The following KCNT2 variants were observed in gnomAD, a reference collection of about 807,000 sequenced individuals.
KCNT2 encodes the protein potassium channel subfamily T member 2.
In KCNT2, 67 loss-of-function variants were observed where a neutral mutation model predicts 153.8. The ratio of observed to expected loss-of-function variants is 0.44; its 90% CI spans 0.36 to 0.53. The LOEUF (loss-of-function observed/expected upper bound fraction) is 0.53. KCNT2 is among the 20% of genes least tolerant of loss of function. The pLI, the probability that KCNT2 is intolerant of heterozygous loss-of-function variation, is 0.00. For missense variants in KCNT2, 975 were observed against 1,354.8 expected, an observed-to-expected ratio of 0.72 and a Z score of 4.40; for synonymous variants, 500 against 458.8, an observed-to-expected ratio of 1.09 and a Z score of -1.15.
At chr1:196,371,691 G>A (rs764979960) in intron 14 of KCNT2, among the ~76,000 whole-genome samples, 5 of 151,964 alleles carry the variant, frequency 3.3e-5, no homozygotes, top group Non-Finnish European at 5.9e-5. Flanking sequence ...GTTGGGAAAC[G>A]TCTTATTCTA....
intron 12 of KCNT2, among the ~76,000 whole-genome samples, chr1:196,408,540 T>G (rs1672022133): frequency 6.6e-6 from 1 of 151,686 alleles, no homozygotes; most frequent in African/African-American, 2.4e-5. Context: ...ATATAAAGAT[T>G]TAAAGATATA....
At chr1:196,252,109 G>A (rs1324835508) in intron 26 of KCNT2, among the ~76,000 whole-genome samples, 1 of 151,406 alleles carries the variant, frequency 6.6e-6, no homozygotes, top group Non-Finnish European at 1.5e-5. Context: ...TTTTCTTATT[G>A]TTTTATTATC....
chr1:196,561,904 A>G (rs2148925137), intron 1 of KCNT2, among the ~76,000 whole-genome samples: 1 of 152,052 alleles, frequency 6.6e-6, no homozygotes, highest in South Asian at 2.1e-4. Context: ...AGGGATTAAA[A>G]GATTTGGCAA....
chr1:196,369,883 T>A (rs1435866723), intron 14 of KCNT2, among the ~76,000 whole-genome samples: 1 of 152,032 alleles, frequency 6.6e-6, no homozygotes, highest in Non-Finnish European at 1.5e-5. Context: ...TAGTTCTAGA[T>A]CCCTGAGGAA....
intron 19 of KCNT2, among the ~76,000 whole-genome samples, chr1:196,323,541 G>A (rs1572037013): frequency 1.3e-5 from 2 of 151,818 alleles, no homozygotes; most frequent in Middle Eastern, 6.8e-3. Flanking sequence ...ACTGAAAGAT[G>A]CTTTTCAATA....
chr1:196,497,499 T>C (rs1257328471), intron 1 of KCNT2, among the ~76,000 whole-genome samples: 2 of 152,276 alleles, frequency 1.3e-5, no homozygotes, highest in East Asian at 3.9e-4. Flanking sequence ...ATGGAGGCTG[T>C]ACATAGATTA....
In KCNT2 at chr1:196,435,139, GTATATATATATATATA is replaced by G. The variant is rs1166021273; in HGVS notation, c.639-5398_639-5383del. 9.9e-3 allele frequency among the ~76,000 whole-genome samples: 454 copies of G among 45,734 alleles called. 6 individuals carry two copies. Among genetic ancestry groups the G allele is most frequent in the Middle Eastern group, 0.031 (1 of 32 alleles). 30.0% of individuals were successfully genotyped at this position (45,734 alleles called of 152,430 possible). Reference sequence around the variant, plus strand: ...TAGATACTTATGTGTGTGTGTGTATGTATATATATATATATATATATATATATATATATATATATAT... The same window carrying G: ...TAGATACTTATGTGTGTGTGTGTATGTATATATATATATATATATATATAT... On this transcript the variant is annotated intron_variant, in intron 8 of 27. Coordinates refer to ENST00000294725, the MANE Select transcript of KCNT2 (RefSeq NM_198503.5).
chr1:196,234,464 G>A (rs866462458), intron 27 of KCNT2, among the ~76,000 whole-genome samples: 32 of 150,960 alleles, frequency 2.1e-4, no homozygotes, highest in Non-Finnish European at 4.3e-4. Context: ...TATTTACATA[G>A]GGGCTTGCCT....
intron 1 of KCNT2, among the ~76,000 whole-genome samples, chr1:196,531,648 A>T (rs888938611): frequency 6.6e-6 from 1 of 151,998 alleles, no homozygotes; most frequent in East Asian, 1.9e-4. Flanking sequence ...TCACCCCAAA[A>T]CAGACTTTCA....
At chr1:196,491,838 G>A (rs1191540070) in intron 2 of KCNT2, among the ~76,000 whole-genome samples, 1 of 151,900 alleles carries the variant, frequency 6.6e-6, no homozygotes, top group Non-Finnish European at 1.5e-5. Context: ...CTTATTATTT[G>A]GAATGATTAG....
intron 25 of KCNT2, among the ~76,000 whole-genome samples, chr1:196,266,707 T>C (rs924972253): frequency 2.0e-5 from 3 of 152,166 alleles, no homozygotes; most frequent in African/African-American, 4.8e-5. Flanking sequence ...ATAGTCAAAT[T>C]TGGCCTGTTC....
chr1:196,243,044 A>T (rs1655099612), intron 26 of KCNT2, among the ~76,000 whole-genome samples: 2 of 152,106 alleles, frequency 1.3e-5, no homozygotes, highest in African/African-American at 4.8e-5. Flanking sequence ...TGCCAAACAG[A>T]TCTCTCATGC....
intron 16 of KCNT2, among the ~76,000 whole-genome samples, chr1:196,336,873 G>C (rs1338300780): frequency 6.6e-6 from 1 of 152,122 alleles, no homozygotes; most frequent in Non-Finnish European, 1.5e-5. Context: ...TTTCCTACTA[G>C]CCTGCCAGTA....
chr1:196,333,876 T>C lies in KCNT2; in HGVS notation c.1968A>G (p.Thr656=). Residue 656 remains threonine, a synonymous_variant, in exon 17 of 28, where the codon ACA becomes ACG. Transcript: ENST00000294725. Reference sequence around the variant, plus strand: ...AGTTTGAAGACATTTCTTCATCTGGTGTAGTTTCATCTTCTGATTGGTCAC... The same window carrying C: ...AGTTTGAAGACATTTCTTCATCTGGCGTAGTTTCATCTTCTGATTGGTCAC... ...LLSDQSEDET[T]PDEEMSSNLE... The C allele has an allele frequency of 6.2e-7, 1 of 1,610,892 alleles. No individual in the cohort carries two copies. Among genetic ancestry groups the C allele is most frequent in the Non-Finnish European group, 8.5e-7 (1 of 1,177,612 alleles).
At chr1:196,560,237 GC>G (rs1427388813) in intron 1 of KCNT2, among the ~76,000 whole-genome samples, 9 of 151,776 alleles carry the variant, frequency 5.9e-5, no homozygotes, top group Non-Finnish European at 1.3e-4. Context: ...GGAATGTTAT[GC>G]AAAAGACGAC....
intron 22 of KCNT2, among the ~76,000 whole-genome samples, chr1:196,288,049 A>T (rs2147902168): frequency 6.6e-6 from 1 of 152,170 alleles, no homozygotes; most frequent in South Asian, 2.1e-4. Flanking sequence ...CCTAAAATTG[A>T]GTAGAAATTT....
chr1:196,538,862 A>C (rs559870604), intron 1 of KCNT2, among the ~76,000 whole-genome samples: 2 of 152,252 alleles, frequency 1.3e-5, no homozygotes, highest in African/African-American at 4.8e-5. Context: ...ACTTCTGCTT[A>C]TTATCCTAGC....
chr1:196,429,641 G>A lies in KCNT2; in HGVS notation c.755C>T (p.Thr252Ile). 1.2e-6 allele frequency: 2 copies of A among 1,613,074 alleles called. No homozygotes were observed. Among genetic ancestry groups the A allele is most frequent in the Non-Finnish European group, 1.7e-6 (2 of 1,179,386 alleles). The change falls in exon 9 of 28, where the codon ACA (threonine) becomes ATA (isoleucine). Residue 252 changes from threonine (T) to isoleucine (I), a missense_variant. Around this residue, in one of 6 missense-constraint regions of KCNT2, gnomAD observed 202 missense variants for 314.9 expected, o/e 0.64. Coordinates refer to ENST00000294725, the MANE Select transcript of KCNT2 (RefSeq NM_198503.5). Reference protein sequence around the residue: ...TVGFGDVTPETWSSKLFVVAM... With the variant: ...TVGFGDVTPEIWSSKLFVVAM... ...AACTACAAAAAGCTTGGAGGACCATGTTTCAGGAGTGACATCCCCGAAGCC... is the reference window on the plus strand; with the variant it reads ...AACTACAAAAAGCTTGGAGGACCATATTTCAGGAGTGACATCCCCGAAGCC...
At chr1:196,367,228 A>G (rs1338442234) in intron 14 of KCNT2, among the ~76,000 whole-genome samples, 1 of 152,156 alleles carries the variant, frequency 6.6e-6, no homozygotes, top group Non-Finnish European at 1.5e-5. Context: ...GTAAAGAACT[A>G]TAAAAAAAAA....
Sources: allele counts gnomAD v4.1 joint callset (sites outside exome capture counted in the v4.1 genomes callset), GRCh38; gene constraint gnomAD v4.1.1; regional missense constraint gnomAD v4.1.1; transcripts MANE v1.5; gene names NCBI Gene and HGNC (gene_info 2026-07-23, HGNC 2026-07-21).